The following FOXJ3 variants were observed in gnomAD, a reference collection of about 807,000 sequenced individuals.
The protein encoded by FOXJ3 is forkhead box protein J3.
In FOXJ3, 22 loss-of-function variants were observed where a neutral mutation model predicts 76.1. The ratio of observed to expected loss-of-function variants is 0.29; its 90% CI spans 0.21 to 0.41. The LOEUF is 0.41. Among genes scored for constraint, FOXJ3 ranks in the 10% least tolerant of loss-of-function variants. The pLI is 1.00. For missense variants in FOXJ3, 613 were observed against 762.1 expected (o/e 0.80, Z 2.30); for synonymous variants, 269 against 261.2 (o/e 1.03, Z -0.29).
intron 4 of FOXJ3, among the ~76,000 whole-genome samples, chr1:42,263,204 G>T (rs16829262): frequency 0.45 from 67,869 of 151,946 alleles, 17,432 homozygotes; most frequent in Non-Finnish European, 0.56. Flanking sequence ...CTACACAAAA[G>T]AAAAATACCT....
At chr1:42,205,658 T>C in intron 6 of FOXJ3, 104 bp downstream of exon 6, 1 of 707,356 alleles carries the variant, frequency 1.4e-6, no homozygotes, top group Non-Finnish European at 2.4e-6. Flanking sequence ...GACAAATTTA[T>C]ATAATCTTTA....
intron 4 of FOXJ3, among the ~76,000 whole-genome samples, chr1:42,250,384 G>C (rs566934815): frequency 1.2e-4 from 19 of 152,196 alleles, no homozygotes; most frequent in African/African-American, 4.6e-4. Flanking sequence ...ACACCCCAAA[G>C]GGAAGCAGAG....
At chr1:42,183,617 TCTA>T (rs1171115793) in intron 11 of FOXJ3, among the ~76,000 whole-genome samples, 1 of 152,038 alleles carries the variant, frequency 6.6e-6, no homozygotes, top group Non-Finnish European at 1.5e-5. Flanking sequence ...CCTAAGTTTA[TCTA>T]CTATTTCATG....
chr1:42,194,992 T>C lies in FOXJ3; in HGVS notation c.832A>G (p.Arg278Gly), dbSNP rs767961729. 6.2e-7 allele frequency: 1 copy of C among 1,613,246 alleles called. No homozygotes were observed. Among genetic ancestry groups the C allele is most frequent in the Non-Finnish European group, 8.5e-7 (1 of 1,179,430 alleles). ...QQQPQYNLPE[R>G]DKQLLFSEYN... ...TCTGAGAAAAGTAGTTGCTTGTCTC[T>C]TTCTGGAAGGTTGTACTGTGGTTGC... The change falls in exon 8 of 13, where the codon AGA becomes GGA. Residue 278 changes from arginine to glycine, a missense_variant. Coordinates refer to ENST00000361346, the MANE Select transcript of FOXJ3 (RefSeq NM_014947.5).
At chr1:42,267,447 C>A (rs574134061) in intron 3 of FOXJ3, among the ~76,000 whole-genome samples, 10 of 152,266 alleles carry the variant, frequency 6.6e-5, no homozygotes, top group African/African-American at 2.2e-4. Context: ...ACATTACTGA[C>A]AGACAGACTC....
chr1:42,246,474 A>G (rs905957550), intron 4 of FOXJ3, among the ~76,000 whole-genome samples: 1 of 152,156 alleles, frequency 6.6e-6, no homozygotes, highest in Admixed American at 6.5e-5. Flanking sequence ...TCAAAACCAG[A>G]AGGTGATATC....
rs539572732 is a variant in FOXJ3 at position 42,293,069 on chromosome 1, C to T, written c.45-14397G>A. ...TGAACCAAGATCACACCACTGTACT[C>T]CAGCCTGGGTGACACAGTGAGACTC... On this transcript the variant is annotated intron_variant, in intron 2 of 12. Transcript: ENST00000361346. Among the ~76,000 whole-genome samples the T allele has an allele frequency of 7.9e-5, 12 of 152,204 alleles. No individual in the cohort carries two copies. In the South Asian group the frequency reaches 1.0e-3, roughly 13 times the overall value.
At chr1:42,283,489 A>G (rs1652858784) in intron 2 of FOXJ3, among the ~76,000 whole-genome samples, 1 of 152,298 alleles carries the variant, frequency 6.6e-6, no homozygotes, top group African/African-American at 2.4e-5. Context: ...AGGCTTACTC[A>G]GAAAGTTTTT....
chr1:42,288,783 G>GAA (rs1028834899), intron 2 of FOXJ3, among the ~76,000 whole-genome samples: 27 of 151,804 alleles, frequency 1.8e-4, no homozygotes, highest in African/African-American at 6.5e-4. Flanking sequence ...TTAATGCAGA[G>GAA]AGAGATGAGA....
chr1:42,302,137 C>G (rs909328546), intron 2 of FOXJ3, among the ~76,000 whole-genome samples: 28 of 152,126 alleles, frequency 1.8e-4, no homozygotes, highest in African/African-American at 6.5e-4. Flanking sequence ...ATGTACTGGG[C>G]ACGTGAGCAG....
intron 5 of FOXJ3, among the ~76,000 whole-genome samples, chr1:42,224,334 G>A (rs1647373599): frequency 6.6e-6 from 1 of 152,070 alleles, no homozygotes. Flanking sequence ...CTAACTCATG[G>A]ATTAAGAAAA....
At chr1:42,188,989 T>C (rs1646490983) in intron 10 of FOXJ3, 61 bp from the exon 11 acceptor site, 5 of 1,092,706 alleles carry the variant, frequency 4.6e-6, no homozygotes, top group South Asian at 3.6e-5. Context: ...GCAAGGAAAA[T>C]AGCAAGACAT....
chr1:42,217,573 G>C (rs545681524), intron 5 of FOXJ3, among the ~76,000 whole-genome samples: 1 of 151,614 alleles, frequency 6.6e-6, no homozygotes, highest in East Asian at 1.9e-4. Context: ...AAAATACTCC[G>C]GATTAAATCT....
intron 4 of FOXJ3, among the ~76,000 whole-genome samples, chr1:42,248,913 A>G (rs343385): frequency 0.73 from 111,056 of 151,606 alleles, 40,876 homozygotes; most frequent in Admixed American, 0.81. Flanking sequence ...CTGCCCCCGC[A>G]ACCCAATAGG....
At chr1:42,328,676 A>ATT (rs35507698) in intron 1 of FOXJ3, among the ~76,000 whole-genome samples, 73 of 115,082 alleles carry the variant, frequency 6.3e-4, no homozygotes, top group Non-Finnish European at 8.2e-4. Context: ...TACTTATCCT[A>ATT]TTTTTTTTTT....
chr1:42,274,291 G>A (rs1238481533), intron 3 of FOXJ3, among the ~76,000 whole-genome samples: 1 of 152,100 alleles, frequency 6.6e-6, no homozygotes, highest in Admixed American at 6.6e-5. Context: ...GTTTTATTCG[G>A]TATATCCTCC....
intron 4 of FOXJ3, among the ~76,000 whole-genome samples, chr1:42,235,369 G>A (rs962133513): frequency 1.3e-5 from 2 of 152,142 alleles, no homozygotes; most frequent in East Asian, 1.9e-4. Context: ...GTAATGCCTC[G>A]CCCTGCTTCG....
chr1:42,296,140 T>C (rs754394092), intron 2 of FOXJ3, among the ~76,000 whole-genome samples: 7 of 152,244 alleles, frequency 4.6e-5, no homozygotes, highest in Non-Finnish European at 7.3e-5. Context: ...GGCACTTGTA[T>C]TTCTTCAAGA....
intron 4 of FOXJ3, among the ~76,000 whole-genome samples, chr1:42,248,056 G>A (rs570617925): frequency 6.6e-6 from 1 of 152,202 alleles, no homozygotes; most frequent in East Asian, 1.9e-4. Flanking sequence ...GTCCAGAATA[G>A]GCAAATTCAC....
Sources: allele counts gnomAD v4.1 joint callset (sites outside exome capture counted in the v4.1 genomes callset), GRCh38; gene constraint gnomAD v4.1.1; transcripts MANE v1.5; gene names NCBI Gene and HGNC (gene_info 2026-07-23, HGNC 2026-07-21).